JARID2: variants seen among roughly 807,000 people sequenced by gnomAD.
JARID2 encodes the protein jumonji and AT-rich interaction domain containing 2.
JARID2 carries 21 observed loss-of-function variants against 125.6 expected under a neutral mutation model. That is an observed-to-expected ratio of 0.17 (90% CI 0.12 to 0.24). JARID2 has a LOEUF of 0.24. Among genes scored for constraint, JARID2 ranks in the 10% least tolerant of loss-of-function variants. The probability of loss-of-function intolerance (pLI) is 1.00; values close to 1 mark genes in which losing one functional copy is unlikely to be tolerated. For synonymous variants in JARID2, 736 were observed against 661.6 expected, an observed-to-expected ratio of 1.11 and a Z score of -1.73; for missense variants, 1,303 against 1,639.6, an observed-to-expected ratio of 0.79 and a Z score of 3.55.
At chr6:15,418,220 T>C (rs2127582830) in intron 3 of JARID2, among the ~76,000 whole-genome samples, 1 of 142,104 alleles carries the variant, frequency 7.0e-6, no homozygotes, top group African/African-American at 2.8e-5. Context: ...ATTCCTCTTT[T>C]TTTTTTTTTT....
At chr6:15,304,144 C>T (rs1448245160) in intron 1 of JARID2, among the ~76,000 whole-genome samples, 1 of 152,036 alleles carries the variant, frequency 6.6e-6, no homozygotes, top group Admixed American at 6.6e-5. Flanking sequence ...GTGGCTACTC[C>T]CGCTAATAAC....
chr6:15,274,039 C>G (rs181183172), intron 1 of JARID2, among the ~76,000 whole-genome samples: 64 of 151,946 alleles, frequency 4.2e-4, no homozygotes, highest in African/African-American at 1.5e-3. Flanking sequence ...AGTGATTCTC[C>G]TGCCTCAGCC....
chr6:15,406,162 G>A (rs1300252713), intron 2 of JARID2, among the ~76,000 whole-genome samples: 1 of 152,158 alleles, frequency 6.6e-6, no homozygotes, highest in African/African-American at 2.4e-5. Flanking sequence ...CTGGCCAGGC[G>A]CGGTGGCTCA....
At chr6:15,452,781 T>G (rs1175808876) in intron 4 of JARID2, among the ~76,000 whole-genome samples, 1 of 152,264 alleles carries the variant, frequency 6.6e-6, no homozygotes, top group Non-Finnish European at 1.5e-5. Context: ...TGTTGCAGTT[T>G]CCTTATTACT....
In JARID2 at chr6:15,508,936, G is replaced by A. The variant is rs77877308; in HGVS notation, c.2846+482G>A. 4,117 of 1,286,360 alleles carry A rather than the reference G, an allele frequency of 3.2e-3. 100 individuals are homozygous for A. In the African/African-American group the frequency reaches 0.053, roughly 17 times the overall value. 79.7% of individuals were successfully genotyped at this position (1,286,360 alleles called of 1,614,324 possible). On this transcript the variant is annotated intron_variant, in intron 12 of 17. Transcript: ENST00000341776. ...GCCCTCTAGTAACTGAATATAAACC[G>A]TGGTATTTCATGATTGGTTATTTTC... is the stretch of plus-strand genomic sequence containing the variant.
At chr6:15,303,886 T>G (rs1761718182) in intron 1 of JARID2, among the ~76,000 whole-genome samples, 1 of 152,186 alleles carries the variant, frequency 6.6e-6, no homozygotes, top group Admixed American at 6.5e-5. Context: ...TAATAATCGG[T>G]AATCTTGAAA....
In JARID2 at chr6:15,520,227, C is replaced by G. The variant is rs764112727; in HGVS notation, c.3717C>G (p.Ser1239=). The change falls in exon 18 of 18, where the codon TCC becomes TCG. Residue 1239 remains serine, a synonymous_variant. Coordinates refer to ENST00000341776, the MANE Select transcript of JARID2 (RefSeq NM_004973.4). ...CCCGTCTGTCAGCCTCCAGTTCATC[C>G]AAAAGTGCTTCGAGCTCATCATGAA... is the stretch of plus-strand genomic sequence containing the variant. ...PPSRLSASSS[S]KSASSSS is the part of the protein sequence containing the mutation. The G allele has an allele frequency of 6.2e-7, 1 of 1,610,980 alleles. No homozygotes were observed. Among genetic ancestry groups the G allele is most frequent in the South Asian group, 1.1e-5 (1 of 90,488 alleles).
At chr6:15,322,042 C>G (rs572380112) in intron 1 of JARID2, among the ~76,000 whole-genome samples, 11 of 152,148 alleles carry the variant, frequency 7.2e-5, no homozygotes, top group Admixed American at 6.5e-4. Context: ...TCGCCTGCCT[C>G]CCAAAGTGCT....
rs35990127 is a variant in JARID2, at chr6:15,487,352, A to C, written c.716A>C (p.Gln239Pro). Residue 239 changes from glutamine to proline, a missense_variant, in exon 6 of 18, where the codon CAA becomes CCA. This residue lies in a region of JARID2 where 651 missense variants were observed against 581.6 expected (regional missense o/e 1.12). Coordinates refer to ENST00000341776, the MANE Select transcript of JARID2 (RefSeq NM_004973.4). Reference protein sequence around the residue: ...SRSTREKEPVQKHKSKEATPA... With the variant: ...SRSTREKEPVPKHKSKEATPA... Reference sequence around the variant, plus strand: ...TCAACACGGGAGAAGGAACCTGTTCAAAAACACAAAAGCAAAGAGGCCACT... The same window carrying C: ...TCAACACGGGAGAAGGAACCTGTTCCAAAACACAAAAGCAAAGAGGCCACT... 8.7e-4 allele frequency: 1,409 copies of C among 1,614,204 alleles called. 13 individuals are homozygous for C. The African/African-American group carries it at 0.017, about 20-fold the overall frequency.
chr6:15,366,118 T>G (rs1763963614), intron 1 of JARID2, among the ~76,000 whole-genome samples: 1 of 152,170 alleles, frequency 6.6e-6, no homozygotes, highest in African/African-American at 2.4e-5. Flanking sequence ...TGCTTTCGTT[T>G]TTCTCTCAAA....
At chr6:15,500,444 A>C (rs920446763) in intron 7 of JARID2, among the ~76,000 whole-genome samples, 2 of 152,162 alleles carry the variant, frequency 1.3e-5, no homozygotes, top group African/African-American at 4.8e-5. Flanking sequence ...AGTTGGTAAC[A>C]AGCATGTGTC....
chr6:15,271,418 T>C (rs1760291327), intron 1 of JARID2, among the ~76,000 whole-genome samples: 1 of 152,254 alleles, frequency 6.6e-6, no homozygotes, highest in African/African-American at 2.4e-5. Context: ...GCTTCTTTTT[T>C]CTTTTTTAAA....
At chr6:15,449,258 A>G (rs1441839404) in intron 3 of JARID2, among the ~76,000 whole-genome samples, 2 of 152,200 alleles carry the variant, frequency 1.3e-5, no homozygotes, top group Non-Finnish European at 2.9e-5. Context: ...TATTTTTTAA[A>G]AAATAACACT....
intron 1 of JARID2, among the ~76,000 whole-genome samples, chr6:15,285,816 G>T (rs930249491): frequency 1.3e-5 from 2 of 152,140 alleles, no homozygotes; most frequent in East Asian, 3.8e-4. Context: ...TGCAATAAAA[G>T]AATTTGGAGA....
chr6:15,283,633 TGC>T (rs1561768791), intron 1 of JARID2, among the ~76,000 whole-genome samples: 1 of 142,828 alleles, frequency 7.0e-6, no homozygotes, highest in Non-Finnish European at 1.5e-5. Flanking sequence ...TGAGCCACCG[TGC>T]CCGGCCATTC....
intron 6 of JARID2, among the ~76,000 whole-genome samples, chr6:15,490,484 C>T (rs562933975): frequency 9.9e-5 from 15 of 152,210 alleles, no homozygotes; most frequent in African/African-American, 3.4e-4. Flanking sequence ...CCCTAGAACC[C>T]GAGAGTTAGA....
chr6:15,429,184 A>G (rs977905275), intron 3 of JARID2, among the ~76,000 whole-genome samples: 1 of 152,058 alleles, frequency 6.6e-6, no homozygotes, highest in Non-Finnish European at 1.5e-5. Flanking sequence ...CTGTGGAATA[A>G]CAATTTGCAT....
chr6:15,453,992 A>G (rs1263612036), intron 4 of JARID2, among the ~76,000 whole-genome samples: 3 of 152,208 alleles, frequency 2.0e-5, no homozygotes, highest in African/African-American at 4.8e-5. Flanking sequence ...CTGAGGTTGC[A>G]TGTTTATAAG....
At chr6:15,400,385 AAAAT>A (rs1300057410) in intron 2 of JARID2, among the ~76,000 whole-genome samples, 4 of 152,032 alleles carry the variant, frequency 2.6e-5, no homozygotes, top group Non-Finnish European at 4.4e-5. Context: ...AAAACAAATA[AAAAT>A]AAATAAAAGG....
Sources: gnomAD v4.1 joint callset for allele counts (sites outside exome capture counted in the v4.1 genomes callset) on GRCh38, gnomAD v4.1.1 for gene constraint, gnomAD v4.1.1 regional missense constraint, MANE v1.5 for transcripts, NCBI Gene and HGNC (gene_info 2026-07-23, HGNC 2026-07-21) for gene names.